The following NRXN3 variants were observed in gnomAD, a reference collection of about 807,000 sequenced individuals.
The protein encoded by NRXN3 is neurexin 3.
In NRXN3, 32 loss-of-function variants were observed where a neutral mutation model predicts 137.6. The observed-to-expected ratio is 0.23, with a 90% CI of 0.18 to 0.31. NRXN3 has a LOEUF of 0.31. Among genes scored for constraint, NRXN3 ranks in the 10% least tolerant of loss-of-function variants. NRXN3 has a pLI of 1.00. For missense variants in NRXN3, 1,574 were observed against 2,062.5 expected (o/e 0.76, Z 4.59); for synonymous variants, 798 against 784.5 (o/e 1.02, Z -0.29).
chr14:78,925,533 T>C (rs2099285688), intron 10 of NRXN3, among the ~76,000 whole-genome samples: 1 of 152,340 alleles, frequency 6.6e-6, no homozygotes, highest in South Asian at 2.1e-4. Flanking sequence ...TTACTTCTAT[T>C]CTGGATTGGT....
At chr14:79,385,204 T>TCCCCCCC (rs557799323) in intron 15 of NRXN3, among the ~76,000 whole-genome samples, 1 of 90,564 alleles carries the variant, frequency 1.1e-5, no homozygotes, top group Non-Finnish European at 2.4e-5. Flanking sequence ...ATGCTATCCT[T>TCCCCCCC]CCCCCCGCCC....
intron 4 of NRXN3, among the ~76,000 whole-genome samples, chr14:78,383,891 A>G (rs1282376358): frequency 6.6e-6 from 1 of 152,196 alleles, no homozygotes; most frequent in African/African-American, 2.4e-5. Context: ...CTGATGAGGA[A>G]TCTATCCCAG....
intron 1 of NRXN3, among the ~76,000 whole-genome samples, chr14:78,235,014 A>ATGTG (rs1246483765): frequency 1.0e-5 from 1 of 96,246 alleles, no homozygotes. Flanking sequence ...ATATATATAT[A>ATGTG]TATATATATG....
chr14:78,669,323 C>T (rs2097914830), intron 6 of NRXN3, among the ~76,000 whole-genome samples: 1 of 152,012 alleles, frequency 6.6e-6, no homozygotes, highest in Admixed American at 6.6e-5. Flanking sequence ...CTGATCCAGA[C>T]CCCAATAGAG....
intron 15 of NRXN3, among the ~76,000 whole-genome samples, chr14:79,330,112 G>T (rs764291089): frequency 6.6e-6 from 1 of 152,072 alleles, no homozygotes; most frequent in African/African-American, 2.4e-5. Flanking sequence ...TTACAGGTGT[G>T]AGCCACCGTG....
intron 4 of NRXN3, among the ~76,000 whole-genome samples, chr14:78,575,895 T>C (rs1343589596): frequency 2.0e-5 from 3 of 152,202 alleles, no homozygotes; most frequent in Non-Finnish European, 4.4e-5. Context: ...AATCTGACTT[T>C]GTACCCCAAT....
intron 16 of NRXN3, among the ~76,000 whole-genome samples, chr14:79,524,483 C>G (rs754935476): frequency 6.6e-6 from 1 of 152,108 alleles, no homozygotes; most frequent in Non-Finnish European, 1.5e-5. Flanking sequence ...TGGTTCTGGA[C>G]AAAGGATATG....
rs1173713622 is a variant in NRXN3, at chr14:78,778,726, CT to C, written c.2045-24891del. ...TCTTTCTTTCTTTCTTTCTTTCTTT[CT>C]TTCTCTCTCTCTTTCTTTCTTTCCT... On this transcript the variant is annotated intron_variant, in intron 8 of 20. Coordinates refer to ENST00000335750, the MANE Select transcript of NRXN3 (RefSeq NM_001330195.2). Among the ~76,000 whole-genome samples the C allele has an allele frequency of 1.9e-4, 25 of 132,048 alleles. No individual in the cohort carries two copies. The South Asian group carries it at 5.8e-3, about 31-fold the overall frequency. The allele number at this position is 132,048 out of a possible 152,430, so 86.6% of individuals were successfully genotyped here.
chr14:78,875,175 C>T (rs2099111011), intron 10 of NRXN3, among the ~76,000 whole-genome samples: 1 of 152,114 alleles, frequency 6.6e-6, no homozygotes, highest in African/African-American at 2.4e-5. Context: ...ATCTGTTATT[C>T]CTGACAAACT....
chr14:78,269,447 G>A (rs1018551410), intron 2 of NRXN3, among the ~76,000 whole-genome samples: 3 of 152,314 alleles, frequency 2.0e-5, no homozygotes, highest in African/African-American at 4.8e-5. Flanking sequence ...GTGGGAGGGG[G>A]TAAAGGGAAT....
At chr14:78,949,820 A>G (rs1233380960) in intron 10 of NRXN3, among the ~76,000 whole-genome samples, 3 of 152,200 alleles carry the variant, frequency 2.0e-5, no homozygotes, top group Non-Finnish European at 4.4e-5. Context: ...ATTAATATTA[A>G]TGTACTAGAC....
At position 78,731,761 on chromosome 14, in the gene NRXN3, A is replaced by C. The variant is rs148556579; in HGVS notation, c.2044+16622A>C. Among the ~76,000 whole-genome samples the C allele has an allele frequency of 9.6e-3, 1,455 of 151,564 alleles. 27 individuals are homozygous for C. Among genetic ancestry groups the C allele is most frequent in the African/African-American group, 0.033 (1,370 of 41,266 alleles). On this transcript the variant is annotated intron_variant, in intron 8 of 20. Transcript: ENST00000335750. ...ACATGTTAATGTAATTTTATAAGTA[A>C]TTATTCTAATTTTTCCAGTTCCTGT...
intron 4 of NRXN3, among the ~76,000 whole-genome samples, chr14:78,606,208 A>C (rs2097251379): frequency 6.6e-6 from 1 of 152,230 alleles, no homozygotes; most frequent in African/African-American, 2.4e-5. Flanking sequence ...AACATCTAAA[A>C]ATGGATTTGT....
intron 11 of NRXN3, among the ~76,000 whole-genome samples, chr14:78,961,064 T>C (rs1042875621): frequency 6.6e-6 from 1 of 151,618 alleles, no homozygotes; most frequent in Non-Finnish European, 1.5e-5. Context: ...AAGTATTTTA[T>C]ACCACATACT....
intron 16 of NRXN3, among the ~76,000 whole-genome samples, chr14:79,514,039 A>C (rs984284627): frequency 2.0e-5 from 3 of 152,212 alleles, no homozygotes; most frequent in Admixed American, 2.0e-4. Context: ...AATATACTAC[A>C]TCATGCAACC....
chr14:78,633,267 A>AAAAAAAAAAAAG (rs1376443966), intron 4 of NRXN3, among the ~76,000 whole-genome samples: 9 of 150,078 alleles, frequency 6.0e-5, no homozygotes, highest in African/African-American at 2.2e-4. Flanking sequence ...AAAAAAAAAA[A>AAAAAAAAAAAAG]AGAGACTGGT....
intron 6 of NRXN3, among the ~76,000 whole-genome samples, chr14:78,665,362 G>A (rs181918745): frequency 3.2e-4 from 49 of 152,300 alleles, no homozygotes; most frequent in South Asian, 1.4e-3. Context: ...CATGGCAGCA[G>A]CAAGGAGAAG....
intron 15 of NRXN3, among the ~76,000 whole-genome samples, chr14:79,413,214 T>C (rs1314407094): frequency 3.9e-5 from 6 of 152,144 alleles, no homozygotes; most frequent in African/African-American, 1.2e-4. Flanking sequence ...CTATCAAATC[T>C]TTGCACCTCC....
intron 10 of NRXN3, among the ~76,000 whole-genome samples, chr14:78,938,544 G>A (rs1374646520): frequency 2.0e-5 from 3 of 152,130 alleles, no homozygotes; most frequent in African/African-American, 7.2e-5. Flanking sequence ...CTACGTGGAT[G>A]TGGAGAAATC....
Sources: allele counts gnomAD v4.1 joint callset (sites outside exome capture counted in the v4.1 genomes callset), GRCh38; gene constraint gnomAD v4.1.1; transcripts MANE v1.5; gene names NCBI Gene and HGNC (gene_info 2026-07-23, HGNC 2026-07-21).